Variants in CPQ observed in about 807,000 individuals in gnomAD.
CPQ encodes Ser-Met dipeptidase.
Under a neutral mutation model 45.7 loss-of-function variants are expected in CPQ, and 37 were observed. The observed-to-expected ratio is 0.81, with a 90% CI of 0.62 to 1.07. The LOEUF (loss-of-function observed/expected upper bound fraction) is 1.07, where lower values mean the gene tolerates loss of function less well. Ranked by LOEUF, CPQ falls within the 50% of genes least tolerant of loss-of-function variation. The pLI, the probability that CPQ is intolerant of heterozygous loss-of-function variation, is 0.00. For missense variants in CPQ, 537 were observed against 572.9 expected (o/e 0.94, Z 0.64); for synonymous variants, 186 against 205.8 (o/e 0.90, Z 0.82).
At chr8:97,046,848 C>A (rs960244676) in intron 6 of CPQ, among the ~76,000 whole-genome samples, 9 of 152,140 alleles carry the variant, frequency 5.9e-5, no homozygotes, top group Non-Finnish European at 1.5e-5. Flanking sequence ...GGCAATCAAA[C>A]TGTTTTGTCA....
At chr8:96,792,313 G>A (rs924579662) in intron 2 of CPQ, among the ~76,000 whole-genome samples, 3 of 152,188 alleles carry the variant, frequency 2.0e-5, no homozygotes, top group African/African-American at 7.2e-5. Flanking sequence ...AGAATCAACA[G>A]TCACATCTGG....
chr8:96,737,170 C>G (rs1452878681), intron 1 of CPQ, among the ~76,000 whole-genome samples: 2 of 148,996 alleles, frequency 1.3e-5, no homozygotes, highest in African/African-American at 4.9e-5. Context: ...CTTTTCTTAA[C>G]TTTTCTAAGT....
intron 2 of CPQ, among the ~76,000 whole-genome samples, chr8:96,828,278 T>C (rs1811403293): frequency 6.6e-6 from 1 of 152,088 alleles, no homozygotes. Flanking sequence ...TAACTGTGAA[T>C]GTGAATTTGT....
chr8:96,985,185 T>G (rs1336147033), intron 5 of CPQ, among the ~76,000 whole-genome samples: 1 of 152,150 alleles, frequency 6.6e-6, no homozygotes, highest in Non-Finnish European at 1.5e-5. Context: ...ATTTTCACCA[T>G]GATTTGTTTA....
intron 5 of CPQ, among the ~76,000 whole-genome samples, chr8:96,983,852 T>C (rs1015421477): frequency 2.0e-5 from 3 of 151,918 alleles, no homozygotes; most frequent in Non-Finnish European, 2.9e-5. Context: ...TACTATTCCT[T>C]TTCTGACTTA....
chr8:96,867,362 A>C (rs1364099696), intron 3 of CPQ, among the ~76,000 whole-genome samples: 1 of 152,030 alleles, frequency 6.6e-6, no homozygotes, highest in Non-Finnish European at 1.5e-5. Flanking sequence ...TAATCAGTTT[A>C]AGACTATTTA....
intron 3 of CPQ, among the ~76,000 whole-genome samples, chr8:96,850,565 T>G (rs933248076): frequency 3.1e-4 from 45 of 142,886 alleles, no homozygotes; most frequent in African/African-American, 1.2e-3. Flanking sequence ...GATTTTTATT[T>G]TTATTTTATT....
chr8:96,875,839 C>A (rs1390214768), intron 3 of CPQ, among the ~76,000 whole-genome samples: 2 of 151,770 alleles, frequency 1.3e-5, no homozygotes, highest in Non-Finnish European at 3.0e-5. Flanking sequence ...TTAAAAAAAG[C>A]AGCTGGAATT....
chr8:96,756,561 G>T (rs141116486), intron 1 of CPQ, among the ~76,000 whole-genome samples: 11 of 152,082 alleles, frequency 7.2e-5, no homozygotes, highest in Non-Finnish European at 1.5e-4. Context: ...CAACACCTAC[G>T]CCCCTTTAAG....
intron 4 of CPQ, among the ~76,000 whole-genome samples, chr8:96,912,263 A>C (rs1288900411): frequency 1.3e-5 from 2 of 152,234 alleles, no homozygotes; most frequent in African/African-American, 4.8e-5. Context: ...TTAGAAGTCA[A>C]GTCTTATAAC....
intron 1 of CPQ, among the ~76,000 whole-genome samples, chr8:96,749,389 G>C (rs749378381): frequency 6.6e-6 from 1 of 152,160 alleles, no homozygotes; most frequent in African/African-American, 2.4e-5. Flanking sequence ...TGAAAAGCTT[G>C]GAACTACCTT....
At chr8:96,839,450 T>C (rs1811576710) in intron 3 of CPQ, among the ~76,000 whole-genome samples, 1 of 152,194 alleles carries the variant, frequency 6.6e-6, no homozygotes, top group African/African-American at 2.4e-5. Flanking sequence ...AGAGCTTTTT[T>C]AGTTTTTCTG....
chr8:97,036,317 A>G (rs1810006450), intron 6 of CPQ, among the ~76,000 whole-genome samples: 2 of 152,172 alleles, frequency 1.3e-5, no homozygotes, highest in Non-Finnish European at 2.9e-5. Context: ...GAGAGGGGAA[A>G]AGTCCAGAAA....
At chr8:97,139,316 A>G (rs746031303) in intron 7 of CPQ, among the ~76,000 whole-genome samples, 1 of 152,202 alleles carries the variant, frequency 6.6e-6, no homozygotes, top group Non-Finnish European at 1.5e-5. Flanking sequence ...CATCTCACAG[A>G]GGGACATTTT....
At chr8:96,707,876 C>T (rs1176250828) in intron 1 of CPQ, among the ~76,000 whole-genome samples, 1 of 152,052 alleles carries the variant, frequency 6.6e-6, no homozygotes, top group Non-Finnish European at 1.5e-5. Context: ...ATGTTTTTGG[C>T]TTGTGGCTCT....
At chr8:96,815,336 G>A (rs546868734) in intron 2 of CPQ, among the ~76,000 whole-genome samples, 2 of 152,170 alleles carry the variant, frequency 1.3e-5, no homozygotes, top group East Asian at 3.9e-4. Flanking sequence ...ACAGTTTTAA[G>A]TACACATTCT....
At chr8:97,129,496 T>A (rs189512894) in intron 7 of CPQ, among the ~76,000 whole-genome samples, 2 of 152,286 alleles carry the variant, frequency 1.3e-5, no homozygotes, top group East Asian at 3.9e-4. Context: ...TCATAGAAAG[T>A]ACTTAGTAAA....
rs145853886 is a variant in CPQ at position 96,835,000 on chromosome 8, C to T, written c.461C>T (p.Thr154Ile). The T allele has an allele frequency of 8.4e-5, 136 of 1,613,160 alleles. No homozygotes were observed. Among genetic ancestry groups the T allele is most frequent in the East Asian group, 2.0e-4 (9 of 44,838 alleles). ...EGITAEVLVV[T>I]SFDELQRRAS... ...ATTACAGCAGAAGTTCTGGTGGTGACCTCTTTCGATGAACTGCAGAGAAGG... is the reference window on the plus strand; with the variant it reads ...ATTACAGCAGAAGTTCTGGTGGTGATCTCTTTCGATGAACTGCAGAGAAGG... The change falls in exon 3 of 8, where the codon ACC becomes ATC. Residue 154 changes from threonine (T) to isoleucine (I), a missense_variant. Thr to Ile is a moderately conservative substitution (Grantham distance 89). Coordinates refer to ENST00000220763, the MANE Select transcript of CPQ (RefSeq NM_016134.4).
At chr8:96,797,934 C>T (rs1810956401) in intron 2 of CPQ, among the ~76,000 whole-genome samples, 1 of 151,862 alleles carries the variant, frequency 6.6e-6, no homozygotes, top group Admixed American at 6.6e-5. Context: ...GCCTGTAGTC[C>T]CAGCTACTCA....
Sources: gnomAD v4.1 joint callset for allele counts (sites outside exome capture counted in the v4.1 genomes callset) on GRCh38, gnomAD v4.1.1 for gene constraint, MANE v1.5 for transcripts, NCBI Gene and HGNC (gene_info 2026-07-23, HGNC 2026-07-21) for gene names.